FAT3: variants seen among roughly 807,000 people sequenced by gnomAD.
The protein encoded by FAT3 is FAT atypical cadherin 3, also known as protocadherin Fat 3.
Under a neutral mutation model 310.2 loss-of-function variants are expected in FAT3, and 95 were observed. The ratio of observed to expected loss-of-function variants is 0.31; its 90% CI spans 0.26 to 0.36. FAT3 has a LOEUF of 0.36. Among genes scored for constraint, FAT3 ranks in the 10% least tolerant of loss-of-function variants. FAT3 has a pLI of 1.00. For missense variants in FAT3, 5,408 were observed against 5,715.6 expected (o/e 0.95, Z 1.74); for synonymous variants, 2,314 against 2,192.9 (o/e 1.06, Z -1.54).
intron 1 of FAT3, among the ~76,000 whole-genome samples, chr11:92,234,809 G>A (rs1374387074): frequency 1.3e-5 from 2 of 151,798 alleles, no homozygotes; most frequent in Non-Finnish European, 2.9e-5. Flanking sequence ...GACTGAGACA[G>A]GAGAATCTCT....
intron 18 of FAT3, among the ~76,000 whole-genome samples, 172 bp from the exon 19 acceptor site, chr11:92,843,762 T>C (rs1485504341): frequency 6.6e-6 from 1 of 152,234 alleles, no homozygotes; most frequent in Non-Finnish European, 1.5e-5. Context: ...TAGAAGGTGA[T>C]AAATCACTCC....
intron 2 of FAT3, among the ~76,000 whole-genome samples, chr11:92,456,952 G>A (rs2135091624): frequency 6.6e-6 from 1 of 152,306 alleles, no homozygotes; most frequent in South Asian, 2.1e-4. Flanking sequence ...GTATCTTGGA[G>A]GTAAGGGCCT....
intron 4 of FAT3, among the ~76,000 whole-genome samples, chr11:92,757,191 CA>C (rs1946022991): frequency 6.6e-6 from 1 of 151,952 alleles, no homozygotes; most frequent in Non-Finnish European, 1.5e-5. Context: ...CCCAAAGTGC[CA>C]GGATTACAGG....
chr11:92,430,540 AG>A (rs1180744255), intron 2 of FAT3, among the ~76,000 whole-genome samples: 2 of 151,796 alleles, frequency 1.3e-5, no homozygotes, highest in Non-Finnish European at 2.9e-5. Flanking sequence ...TTTAAGTTTT[AG>A]GGTACATGTG....
chr11:92,765,149 G>GA (rs140929549), intron 6 of FAT3, 60 bp downstream of exon 6: 289,719 of 966,032 alleles, frequency 0.3, 11,082 homozygotes, highest in African/African-American at 0.42. Context: ...AAGCAACTAG[G>GA]AAAAAAAAAA....
chr11:92,232,374 G>A (rs749224181), intron 1 of FAT3, among the ~76,000 whole-genome samples: 7 of 152,118 alleles, frequency 4.6e-5, no homozygotes, highest in Non-Finnish European at 8.8e-5. Flanking sequence ...GACTGTAAAG[G>A]CATTTCAGAA....
At chr11:92,698,250 T>A (rs1943997140) in intron 4 of FAT3, among the ~76,000 whole-genome samples, 1 of 151,944 alleles carries the variant, frequency 6.6e-6, no homozygotes, top group Admixed American at 6.6e-5. Context: ...TCCTAACACA[T>A]ACACAAACAC....
At chr11:92,434,036 A>AAAG (rs1950868129) in intron 2 of FAT3, among the ~76,000 whole-genome samples, 1 of 147,908 alleles carries the variant, frequency 6.8e-6, no homozygotes, top group Non-Finnish European at 1.5e-5. Flanking sequence ...AAAAAGAAGA[A>AAAG]CCATCACTGT....
intron 1 of FAT3, among the ~76,000 whole-genome samples, chr11:92,351,283 A>G (rs1384996444): frequency 1.3e-5 from 2 of 152,150 alleles, no homozygotes; most frequent in African/African-American, 4.8e-5. Flanking sequence ...ATAAACCTTG[A>G]TCAGTTTAAA....
chr11:92,533,056 C>CA (rs1382021103), intron 3 of FAT3, among the ~76,000 whole-genome samples: 2 of 152,078 alleles, frequency 1.3e-5, no homozygotes, highest in African/African-American at 4.8e-5. Flanking sequence ...TTTTAAGAGA[C>CA]AGAGTCTCCC....
chr11:92,668,337 A>C (rs2135815297), intron 3 of FAT3, among the ~76,000 whole-genome samples: 1 of 152,374 alleles, frequency 6.6e-6, no homozygotes, highest in Non-Finnish European at 1.5e-5. Context: ...CACATAAAAT[A>C]GAAGACACAA....
chr11:92,528,690 T>C (rs747601575), intron 3 of FAT3, among the ~76,000 whole-genome samples: 2 of 152,118 alleles, frequency 1.3e-5, no homozygotes, highest in Non-Finnish European at 2.9e-5. Flanking sequence ...CGGCCTCCAG[T>C]TCTTTTGAGG....
chr11:92,673,272 G>A (rs1312667401), intron 3 of FAT3, among the ~76,000 whole-genome samples: 2 of 152,160 alleles, frequency 1.3e-5, no homozygotes, highest in Non-Finnish European at 2.9e-5. Flanking sequence ...ATTTTTCTAA[G>A]TGTCATTTTT....
intron 4 of FAT3, among the ~76,000 whole-genome samples, chr11:92,752,270 G>A (rs1945849424): frequency 6.6e-6 from 1 of 152,236 alleles, no homozygotes; most frequent in Non-Finnish European, 1.5e-5. Flanking sequence ...GCTGATCCCT[G>A]GCTTAGAACC....
intron 3 of FAT3, among the ~76,000 whole-genome samples, chr11:92,656,819 C>T (rs1033808231): frequency 6.6e-6 from 1 of 152,128 alleles, no homozygotes; most frequent in African/African-American, 2.4e-5. Context: ...AGAACTAAAG[C>T]AGATTGATGC....
intron 3 of FAT3, among the ~76,000 whole-genome samples, chr11:92,604,658 T>G (rs1342293768): frequency 6.6e-6 from 1 of 152,198 alleles, no homozygotes; most frequent in South Asian, 2.1e-4. Context: ...TCATCCTGTA[T>G]CACTTTGCCC....
rs1421150621 is a variant in FAT3 at position 92,801,744 on chromosome 11, T to C, written c.8731T>C (p.Ser2911Pro). Reference protein sequence around the residue: ...AFSLSSTALVSVRVTDINDNA... With the variant: ...AFSLSSTALVPVRVTDINDNA... ...CTCTCTTTCCTCCACGGCCTTGGTC[T>C]CTGTCAGAGTGACAGATATAAATGA... The change falls in exon 10 of 28, where the codon TCT becomes CCT. Residue 2911 changes from serine to proline, a missense_variant. Transcript: ENST00000525166. 1.9e-6 allele frequency: 3 copies of C among 1,613,960 alleles called. No individual in the cohort carries two copies. The highest frequency in any genetic ancestry group is 2.2e-5 in the South Asian group (2 of 91,072).
chr11:92,671,418 A>C (rs1165196554), intron 3 of FAT3, among the ~76,000 whole-genome samples: 1 of 152,050 alleles, frequency 6.6e-6, no homozygotes, highest in Non-Finnish European at 1.5e-5. Context: ...ACCATAATTC[A>C]TTCATTAATT....
At chr11:92,575,042 A>G (rs1470535064) in intron 3 of FAT3, among the ~76,000 whole-genome samples, 1 of 152,128 alleles carries the variant, frequency 6.6e-6, no homozygotes, top group African/African-American at 2.4e-5. Flanking sequence ...ATTATGCCTT[A>G]TGTCTGACTT....
Sources: allele counts gnomAD v4.1 joint callset (sites outside exome capture counted in the v4.1 genomes callset), GRCh38; gene constraint gnomAD v4.1.1; transcripts MANE v1.5; gene names NCBI Gene and HGNC (gene_info 2026-07-23, HGNC 2026-07-21).